The following FANCB variants were observed in gnomAD, a reference collection of about 807,000 sequenced individuals.
The protein encoded by FANCB is FA complementation group B.
A neutral mutation model predicts 38.9 loss-of-function variants in FANCB; 5 were observed. The ratio of observed to expected loss-of-function variants is 0.13; its 90% confidence interval spans 0.07 to 0.27. The LOEUF is 0.27. Ranked by LOEUF, FANCB falls within the 10% of genes least tolerant of loss-of-function variation. The pLI, the probability that FANCB is intolerant of heterozygous loss-of-function variation, is 1.00. For synonymous variants in FANCB, 236 were observed against 215.4 expected (o/e 1.10, Z -0.84); for missense variants, 573 against 602.7 (o/e 0.95, Z 0.52).
At chrX:14,812,446 G>A in the FANCB span, among the ~76,000 whole-genome samples, 1 of 111,102 alleles carries the variant, frequency 9.0e-6, no homozygotes, top group Admixed American at 9.5e-5. Flanking sequence ...AAAGAGAGAA[G>A]AATCAAATAG....
intron 7 of FANCB, among the ~76,000 whole-genome samples, chrX:14,849,755 C>T (rs987144920): frequency 8.9e-6 from 1 of 111,873 alleles, no homozygotes; most frequent in Non-Finnish European, 1.9e-5. Context: ...ATTATCTTCA[C>T]CGTGAGACTA....
chrX:14,690,609 G>A, the FANCB span: 345 of 568,112 alleles, frequency 6.1e-4, 1 homozygote, highest in Non-Finnish European at 9.4e-4. Context: ...TTATTTTGCT[G>A]CTCACACCAT....
chrX:14,771,709 GAGGCAA>G, the FANCB span, among the ~76,000 whole-genome samples: 4 of 112,266 alleles, frequency 3.6e-5, no homozygotes, highest in Non-Finnish European at 5.6e-5. Flanking sequence ...TGGAATAGAA[GAGGCAA>G]TCTGGCTTTT....
At chrX:14,822,309 C>T in the FANCB span, among the ~76,000 whole-genome samples, 1 of 110,064 alleles carries the variant, frequency 9.1e-6, no homozygotes, top group Non-Finnish European at 1.9e-5. Flanking sequence ...GCCTGATCCT[C>T]CACTGATGCC....
At chrX:14,692,539 A>G in the FANCB span, among the ~76,000 whole-genome samples, 3 of 112,145 alleles carry the variant, frequency 2.7e-5, no homozygotes, top group East Asian at 5.6e-4. Context: ...ACCTTATCAT[A>G]ATGAGACTCA....
chrX:14,804,599 C>T, the FANCB span, among the ~76,000 whole-genome samples: 1 of 109,796 alleles, frequency 9.1e-6, no homozygotes, highest in Non-Finnish European at 1.9e-5. Context: ...CTAACCTGCA[C>T]GTTGTGCACA....
the FANCB span, among the ~76,000 whole-genome samples, chrX:14,735,767 T>C: frequency 1.8e-5 from 2 of 112,461 alleles, no homozygotes; most frequent in Non-Finnish European, 3.8e-5. Context: ...AGCGCTGTGC[T>C]GGGAGATCTG....
the FANCB span, among the ~76,000 whole-genome samples, chrX:14,814,003 A>G: frequency 5.4e-5 from 6 of 111,506 alleles, no homozygotes; most frequent in African/African-American, 2.0e-4. Context: ...ACAGAACAGA[A>G]GCCTCAGAAA....
At position 14,869,039 on chromosome X, in the gene FANCB, T is replaced by C. The variant is rs920899350; in HGVS notation, c.-187A>G. 1 of 111,630 alleles carries C rather than the reference T, an allele frequency of 9.0e-6. No individual in the cohort carries two copies. The highest frequency in any genetic ancestry group is 1.9e-5 in the Non-Finnish European group (1 of 52,992). 9.2% of individuals were successfully genotyped at this position (111,630 alleles called of 1,213,427 possible). ...AAATCAAAGGTCTGGCTTGTACTTA[T>C]GAAACTATGGTTTAGAGAAAATAAA... On this transcript the variant is annotated 5_prime_UTR_variant, in exon 2 of 10. Transcript: ENST00000650831.
At chrX:14,742,032 A>G in the FANCB span, among the ~76,000 whole-genome samples, 1 of 111,866 alleles carries the variant, frequency 8.9e-6, no homozygotes. Flanking sequence ...GCACTACACT[A>G]AAAGAGCATC....
the FANCB span, among the ~76,000 whole-genome samples, chrX:14,691,271 CTGTGTGTGTGTGTGTGTG>C: frequency 1.1e-3 from 90 of 85,269 alleles, no homozygotes; most frequent in South Asian, 5.5e-3. Flanking sequence ...TAAATATTGA[CTGTGTGTGTGTGTGTGTG>C]TGTGTGTGTG....
At chrX:14,833,636 C>T (rs925377985), downstream of FANCB, among the ~76,000 whole-genome samples, 82 of 104,665 alleles carry the variant, frequency 7.8e-4, no homozygotes, top group African/African-American at 2.7e-3. Context: ...GGCTCTTAAC[C>T]CTGGCTGTAC....
the FANCB span, among the ~76,000 whole-genome samples, chrX:14,714,859 C>T: frequency 7.1e-5 from 8 of 111,929 alleles, no homozygotes; most frequent in Admixed American, 7.6e-4. Flanking sequence ...TTGGTAATTA[C>T]TATAGATTTA....
At chrX:14,813,867 A>C in the FANCB span, among the ~76,000 whole-genome samples, 3 of 111,833 alleles carry the variant, frequency 2.7e-5, no homozygotes, top group Non-Finnish European at 3.8e-5. Context: ...TGCATTGCCA[A>C]GACAATCCTA....
chrX:14,839,215 A>G (rs1347095866), downstream of FANCB, among the ~76,000 whole-genome samples: 1 of 110,843 alleles, frequency 9.0e-6, no homozygotes, highest in Non-Finnish European at 1.9e-5. Flanking sequence ...AATCACTTGA[A>G]CCCAGAAAGC....
In FANCB at chrX:14,865,287, T is replaced by G. The variant is rs756804647; in HGVS notation, c.224A>C (p.Lys75Thr). 9 of 1,158,537 alleles carry G rather than the reference T, an allele frequency of 7.8e-6. No individual in the cohort carries two copies. The highest frequency in any genetic ancestry group is 2.8e-5 in the Admixed American group (1 of 36,294). Residue 75 changes from lysine to threonine, a missense_variant, in exon 3 of 10, where the codon AAA becomes ACA. By Grantham distance (78) the Lys-to-Thr change is moderately conservative. Coordinates refer to ENST00000650831, the MANE Select transcript of FANCB (RefSeq NM_001018113.3). ...TGACACACAGTTGCAACACATGATT[T>G]TTAAATGAGAGTTTTCTTCCTTTAT... ...FTIKEENSHLKIMCCNCVSDF... is the reference protein window; with the variant it reads ...FTIKEENSHLTIMCCNCVSDF...
chrX:14,779,000 G>T, the FANCB span, among the ~76,000 whole-genome samples: 1 of 111,814 alleles, frequency 8.9e-6, no homozygotes, highest in Non-Finnish European at 1.9e-5. Context: ...ATGATGCCTG[G>T]GATTCTACTT....
chrX:14,795,377 C>G, the FANCB span, among the ~76,000 whole-genome samples: 2 of 111,890 alleles, frequency 1.8e-5, no homozygotes, highest in African/African-American at 6.5e-5. Flanking sequence ...ACTGCCCTTG[C>G]CTTCTAGAAG....
At position 14,845,227 on chromosome X, in the gene FANCB, C is replaced by T. The variant is rs1379342414; in HGVS notation, c.1556G>A (p.Arg519Gln). 13 of 1,209,329 alleles carry T rather than the reference C, an allele frequency of 1.1e-5. No individual in the cohort carries two copies. In the South Asian group the frequency reaches 1.4e-4, roughly 13 times the overall value. The change falls in exon 8 of 10, where the codon CGG becomes CAG. Residue 519 changes from arginine (R) to glutamine (Q), a missense_variant. Arg to Gln is a conservative substitution (Grantham distance 43, BLOSUM62 1). Transcript: ENST00000650831. Reference sequence around the variant, plus strand: ...CACCCTATTTTGACACTTTAGAAGCCGAAATCTGGAGTCATGGGCTTGATC... The same window carrying T: ...CACCCTATTTTGACACTTTAGAAGCTGAAATCTGGAGTCATGGGCTTGATC... ...LMDQAHDSRF[R>Q]LLKCQNRVIK...
Sources: gnomAD v4.1 joint callset for allele counts (sites outside exome capture counted in the v4.1 genomes callset) on GRCh38, gnomAD v4.1.1 for gene constraint, MANE v1.5 for transcripts, NCBI Gene and HGNC (gene_info 2026-07-23, HGNC 2026-07-21) for gene names.